ASTN1: variants seen among roughly 807,000 people sequenced by gnomAD.
ASTN1 encodes the protein astrotactin 1.
ASTN1 carries 41 observed loss-of-function variants against 140.7 expected under a neutral mutation model. The ratio of observed to expected loss-of-function variants is 0.29; its 90% CI spans 0.23 to 0.38. The LOEUF is 0.38. Ranked by LOEUF, ASTN1 falls within the 10% of genes least tolerant of loss-of-function variation. The pLI, the probability that ASTN1 is intolerant of heterozygous loss-of-function variation, is 1.00. For missense variants in ASTN1, 1,479 were observed against 1,678.8 expected (o/e 0.88, Z 2.08); for synonymous variants, 640 against 652.2 (o/e 0.98, Z 0.29).
rs556304400 is a variant in ASTN1 at position 176,902,977 on chromosome 1, TC to T, written c.2672-8148del. On this transcript the variant is annotated intron_variant, in intron 16 of 22. Transcript: ENST00000361833. Reference sequence around the variant, plus strand: ...TCTTCTAATCAGCTAGACTGTTAGTTCCCAGTGGGCAAGAAGCTGCCTTATG... The same window carrying T: ...TCTTCTAATCAGCTAGACTGTTAGTTCCAGTGGGCAAGAAGCTGCCTTATG... 1.5e-3 allele frequency among the ~76,000 whole-genome samples: 235 copies of T among 152,330 alleles called. 1 individual carries two copies. The highest frequency in any genetic ancestry group is 5.3e-3 in the African/African-American group (222 of 41,586).
intron 16 of ASTN1, among the ~76,000 whole-genome samples, chr1:176,929,139 G>T (rs1671095993): frequency 6.6e-6 from 1 of 152,238 alleles, no homozygotes; most frequent in South Asian, 2.1e-4. Context: ...AGTCAGTGAT[G>T]CAGTGGCTGG....
intron 4 of ASTN1, 56 bp from the exon 5 acceptor site, chr1:177,029,797 C>T: frequency 2.7e-6 from 4 of 1,489,356 alleles, no homozygotes; most frequent in Non-Finnish European, 3.7e-6. Flanking sequence ...TTCATGACAC[C>T]AAACCTTTGG....
At position 176,862,064 on chromosome 1, in the gene ASTN1, T is replaced by C. The variant is rs994161514; in HGVS notation, c.*2220A>G. On this transcript the variant is annotated 3_prime_UTR_variant, in exon 23 of 23. Transcript: ENST00000361833. ...TATGAATAGAAGGATGGCAAAACAGTAGCAGCAAAGAGATGCTCTGGGCCC... is the reference window on the plus strand; with the variant it reads ...TATGAATAGAAGGATGGCAAAACAGCAGCAGCAAAGAGATGCTCTGGGCCC... 4.1e-6 allele frequency: 4 copies of C among 985,340 alleles called. No individual in the cohort carries two copies. The highest frequency in any genetic ancestry group is 4.8e-6 in the Non-Finnish European group (4 of 829,926). 61.0% of individuals were successfully genotyped at this position (985,340 alleles called of 1,614,324 possible).
chr1:176,892,059 G>GA, intron 17 of ASTN1, among the ~76,000 whole-genome samples: 1 of 152,208 alleles, frequency 6.6e-6, no homozygotes, highest in East Asian at 1.9e-4. Flanking sequence ...ATAAGCATGA[G>GA]AAAAAATGTG....
intron 16 of ASTN1, among the ~76,000 whole-genome samples, chr1:176,911,511 G>A (rs1256622040): frequency 6.6e-6 from 1 of 151,858 alleles, no homozygotes; most frequent in South Asian, 2.1e-4. Flanking sequence ...TATTGTATAT[G>A]CTTTTCTCTA....
chr1:176,946,224 A>G, intron 12 of ASTN1, 104 bp from the exon 13 acceptor site: 2 of 1,090,370 alleles, frequency 1.8e-6, no homozygotes, highest in Non-Finnish European at 2.5e-6. Context: ...AGCATGTTGG[A>G]TCACCAAAGA....
chr1:177,029,712 C>T lies in ASTN1; in HGVS notation c.1042G>A (p.Asp348Asn), dbSNP rs1466203630. 4.3e-6 allele frequency: 7 copies of T among 1,612,852 alleles called. No individual in the cohort carries two copies. The African/African-American group carries it at 6.7e-5, about 15-fold the overall frequency. The stretch of plus-strand genomic sequence containing the variant: ...TCGTTTTCTGCCTCTGTGCCAGAAT[C>T]CCCTTCAGGGTTCAAGAAGGCGGAA... ...AGSAFLNPEG[D>N]SGTEAENDPQ... is the part of the protein sequence containing the mutation. Residue 348 changes from aspartate to asparagine, a missense_variant, in exon 5 of 23, where the codon GAT becomes AAT. This residue lies in a region of ASTN1 where 729 missense variants were observed against 860.4 expected (regional missense o/e 0.85). Transcript: ENST00000361833.
At chr1:177,001,705 A>G (rs1323381426) in intron 8 of ASTN1, among the ~76,000 whole-genome samples, 3 of 152,180 alleles carry the variant, frequency 2.0e-5, no homozygotes, top group African/African-American at 4.8e-5. Context: ...GGTGTATGCA[A>G]TCTCTTGAAT....
intron 1 of ASTN1, among the ~76,000 whole-genome samples, chr1:177,093,241 T>A (rs575571477): frequency 2.0e-5 from 3 of 152,350 alleles, no homozygotes; most frequent in African/African-American, 7.2e-5. Context: ...GCATTCTGCC[T>A]TCTCCTTTCA....
chr1:177,103,515 G>A (rs996087079), intron 1 of ASTN1, among the ~76,000 whole-genome samples: 1 of 152,086 alleles, frequency 6.6e-6, no homozygotes, highest in African/African-American at 2.4e-5. Context: ...CCTAAAACTG[G>A]ATTTTACATG....
At chr1:177,024,193 G>A (rs1675980272) in intron 6 of ASTN1, among the ~76,000 whole-genome samples, 1 of 152,164 alleles carries the variant, frequency 6.6e-6, no homozygotes, top group African/African-American at 2.4e-5. Context: ...TTCTCACCCA[G>A]GCATACAAAA....
In ASTN1 at chr1:177,023,066, C is replaced by A. The variant is rs762686941; in HGVS notation, c.1438+338G>T. On this transcript the variant is annotated intron_variant, in intron 7 of 22. Transcript: ENST00000361833. ...ACTTTTCTAATTTTTAAAAAGTTTT[C>A]TACAATAAACATGCATTAATTTTAT... 5.1e-4 allele frequency among the ~76,000 whole-genome samples: 77 copies of A among 152,090 alleles called. 1 individual carries two copies. The highest frequency in any genetic ancestry group is 1.0e-3 in the Admixed American group (16 of 15,254).
rs184572145 is a variant in ASTN1 at position 177,147,040 on chromosome 1, T to A, written c.283+17354A>T. On this transcript the variant is annotated intron_variant, in intron 1 of 22. Coordinates refer to ENST00000361833, the MANE Select transcript of ASTN1 (RefSeq NM_004319.3). Reference sequence around the variant, plus strand: ...ATTCTTAAATGAAACTGGATTTTTTTAAAAAAAAACAGTGAGAGTGGTGAA... The same window carrying A: ...ATTCTTAAATGAAACTGGATTTTTTAAAAAAAAAACAGTGAGAGTGGTGAA... 3.9e-3 allele frequency among the ~76,000 whole-genome samples: 584 copies of A among 151,214 alleles called. 4 individuals are homozygous for A. The highest frequency in any genetic ancestry group is 0.012 in the African/African-American group (489 of 41,190).
chr1:177,100,329 A>T (rs539805034), intron 1 of ASTN1, among the ~76,000 whole-genome samples: 39 of 151,572 alleles, frequency 2.6e-4, no homozygotes, highest in Non-Finnish European at 4.1e-4. Flanking sequence ...CCTTTGCCTT[A>T]AAAAAAAGCC....
chr1:177,157,068 C>T (rs534830361), intron 1 of ASTN1, among the ~76,000 whole-genome samples: 5 of 152,250 alleles, frequency 3.3e-5, no homozygotes, highest in Admixed American at 2.6e-4. Flanking sequence ...TACTGTGGTA[C>T]CCTGGGTGAG....
intron 16 of ASTN1, among the ~76,000 whole-genome samples, chr1:176,925,716 T>C (rs1272115605): frequency 6.6e-6 from 1 of 152,220 alleles, no homozygotes; most frequent in Non-Finnish European, 1.5e-5. Context: ...TACCTCATTT[T>C]GTCCACGAAC....
intron 1 of ASTN1, among the ~76,000 whole-genome samples, chr1:177,119,542 C>G (rs1224998635): frequency 6.6e-6 from 1 of 152,158 alleles, no homozygotes; most frequent in East Asian, 1.9e-4. Flanking sequence ...CTTCTCAACT[C>G]AAAAGAAGCT....
intron 1 of ASTN1, among the ~76,000 whole-genome samples, chr1:177,081,863 T>C (rs6425407): frequency 0.46 from 69,985 of 151,936 alleles, 17,467 homozygotes; most frequent in Non-Finnish European, 0.57. Context: ...GGTTTAAGGG[T>C]TTGCTCTTGG....
rs768767046 is a variant in ASTN1 at position 177,032,766 on chromosome 1, C to A, written c.555G>T (p.Arg185=). The stretch of plus-strand genomic sequence containing the variant: ...TGGCACTCTTCTGGGGCTGCGGGAC[C>A]CGGCGGCGTTTGCACCAGCGCCGGC... ...YTRRRWCKRR[R]VPQPQKSASA... Residue 185 remains arginine, a synonymous_variant, in exon 3 of 23, where the codon CGG becomes CGT. Coordinates refer to ENST00000361833, the MANE Select transcript of ASTN1 (RefSeq NM_004319.3). The A allele has an allele frequency of 5.0e-6, 8 of 1,613,432 alleles. No individual in the cohort carries two copies. In the Admixed American group the frequency reaches 1.2e-4, roughly 24 times the overall value.
Sources: gnomAD v4.1 joint callset for allele counts (sites outside exome capture counted in the v4.1 genomes callset) on GRCh38, gnomAD v4.1.1 for gene constraint, gnomAD v4.1.1 regional missense constraint, MANE v1.5 for transcripts, NCBI Gene and HGNC (gene_info 2026-07-23, HGNC 2026-07-21) for gene names.